Variants in ATE1 observed in about 807,000 individuals in gnomAD.
ATE1 encodes arginyl-tRNA--protein transferase 1.
In ATE1, 36 loss-of-function variants were observed where a neutral mutation model predicts 70.5. The observed-to-expected ratio is 0.51, with a 90% CI of 0.39 to 0.67. The LOEUF is 0.67. ATE1 is among the 30% of genes least tolerant of loss of function. The pLI is 0.00. For synonymous variants in ATE1, 232 were observed against 219.3 expected (o/e 1.06, Z -0.51); for missense variants, 593 against 629.5 (o/e 0.94, Z 0.62).
At chr10:121,927,445 G>T in intron 1 of ATE1, 1 of 984,910 alleles carries the variant, frequency 1.0e-6, no homozygotes, top group Non-Finnish European at 1.2e-6. Context: ...CACACCCACA[G>T]CTCCCTCTGC....
At chr10:121,793,161 G>A (rs1473545518) in intron 10 of ATE1, among the ~76,000 whole-genome samples, 1 of 152,144 alleles carries the variant, frequency 6.6e-6, no homozygotes, top group Non-Finnish European at 1.5e-5. Flanking sequence ...CATGTGAAGA[G>A]ATGTTCAACG....
At chr10:121,863,827 T>C (rs988198041) in intron 8 of ATE1, among the ~76,000 whole-genome samples, 1 of 152,100 alleles carries the variant, frequency 6.6e-6, no homozygotes, top group Non-Finnish European at 1.5e-5. Flanking sequence ...TTGCCCTGGC[T>C]GGTTTCAAAC....
At chr10:121,798,178 ATT>A (rs1946733125) in intron 10 of ATE1, among the ~76,000 whole-genome samples, 1 of 152,210 alleles carries the variant, frequency 6.6e-6, no homozygotes, top group African/African-American at 2.4e-5. Context: ...ACATGTTCTT[ATT>A]ATATAAGAAT....
At chr10:121,776,047 A>C (rs1243870927) in intron 11 of ATE1, among the ~76,000 whole-genome samples, 1 of 152,252 alleles carries the variant, frequency 6.6e-6, no homozygotes, top group African/African-American at 2.4e-5. Flanking sequence ...GATGCATCAC[A>C]ATAGTTGTAC....
rs145196933 is a variant in ATE1 at position 121,750,463 on chromosome 10, C to T, written c.1379-6605G>A. Among the ~76,000 whole-genome samples, 212 of 152,284 alleles carry T rather than the reference C, an allele frequency of 1.4e-3. 1 individual carries two copies. Among genetic ancestry groups the T allele is most frequent in the African/African-American group, 4.8e-3 (198 of 41,556 alleles). On this transcript the variant is annotated intron_variant, in intron 11 of 11. Transcript: ENST00000224652. ...TCTGAGATGAGCATTTGATCACTAGCGATACAAATATATTGTCAACTCCAT... is the reference window on the plus strand; with the variant it reads ...TCTGAGATGAGCATTTGATCACTAGTGATACAAATATATTGTCAACTCCAT...
intron 8 of ATE1, among the ~76,000 whole-genome samples, chr10:121,843,173 T>C (rs1252418221): frequency 6.6e-6 from 1 of 152,102 alleles, no homozygotes; most frequent in East Asian, 1.9e-4. Flanking sequence ...CTTTTCTATA[T>C]ACCAACAATG....
chr10:121,831,459 C>T (rs536630522), intron 10 of ATE1, among the ~76,000 whole-genome samples: 2 of 152,192 alleles, frequency 1.3e-5, no homozygotes, highest in Non-Finnish European at 2.9e-5. Context: ...ACGACGACTG[C>T]TCCCTCCTCT....
intron 8 of ATE1, among the ~76,000 whole-genome samples, chr10:121,860,438 C>A (rs371270466): frequency 2.0e-5 from 3 of 152,150 alleles, no homozygotes; most frequent in Admixed American, 2.0e-4. Flanking sequence ...ACTTACTAAA[C>A]CAAAGGATGA....
intron 10 of ATE1, among the ~76,000 whole-genome samples, chr10:121,801,623 CAT>C (rs964303492): frequency 1.3e-5 from 2 of 152,128 alleles, no homozygotes; most frequent in Non-Finnish European, 2.9e-5. Context: ...TATGAATATT[CAT>C]ATATGTGTCT....
At position 121,743,849 on chromosome 10, in the gene ATE1, T is replaced by A; in HGVS notation, c.1388A>T (p.Asp463Val). 6.2e-7 allele frequency: 1 copy of A among 1,602,014 alleles called. No individual in the cohort carries two copies. The highest frequency in any genetic ancestry group is 8.5e-7 in the Non-Finnish European group (1 of 1,174,998). ...CAATCGGTCAGGTTCCGTACTGCGATCCTCATCCACTGCAACGACAAAAAA... is the reference window on the plus strand; with the variant it reads ...CAATCGGTCAGGTTCCGTACTGCGAACCTCATCCACTGCAACGACAAAAAA... ...FNQDPEAVDE[D>V]RSTEPDRLQV... Residue 463 changes from aspartate (D) to valine (V), a missense_variant, in exon 12 of 12, where the codon GAT becomes GTT. Around this residue, in one of 3 missense-constraint regions of ATE1, gnomAD observed 90 missense variants for 93.7 expected, o/e 0.96. Coordinates refer to ENST00000224652, the MANE Select transcript of ATE1 (RefSeq NM_001001976.3).
At chr10:121,906,734 G>C (rs1951210747) in intron 5 of ATE1, among the ~76,000 whole-genome samples, 1 of 151,970 alleles carries the variant, frequency 6.6e-6, no homozygotes, top group Non-Finnish European at 1.5e-5. Context: ...GAGGAGCAGG[G>C]ATTTCCGACA....
Position 121,859,350 on chromosome 10 carries a change from G to A in ATE1, c.975+10656C>T, listed in dbSNP as rs1376776997. ...CGGCTCACTGCAAGCTCCGCCTCCC[G>A]GGTTCACGCCATTCTCCTGCCTCAG... On this transcript the variant is annotated intron_variant, in intron 8 of 11. Transcript: ENST00000224652. Among the ~76,000 whole-genome samples the A allele has an allele frequency of 7.8e-3, 1,170 of 149,680 alleles. 18 individuals are homozygous for A. Among genetic ancestry groups the A allele is most frequent in the African/African-American group, 0.028 (1,127 of 40,848 alleles).
chr10:121,795,325 A>C (rs1016297345), intron 10 of ATE1, among the ~76,000 whole-genome samples: 2 of 152,214 alleles, frequency 1.3e-5, no homozygotes, highest in Non-Finnish European at 2.9e-5. Context: ...ACTATGTAAC[A>C]GGCACTAAAG....
At chr10:121,752,586 TG>T (rs1564808506) in intron 11 of ATE1, among the ~76,000 whole-genome samples, 2 of 152,184 alleles carry the variant, frequency 1.3e-5, no homozygotes. Context: ...TTTTAATTTT[TG>T]TATATGGTGT....
chr10:121,906,028 T>C lies in ATE1; in HGVS notation c.584-3408A>G, dbSNP rs1951176681. ...CCTGATTAGTCCCAGGTGATTTAAA[T>C]AGAGTTTAGGAGACCTACATAATTT... On this transcript the variant is annotated intron_variant, in intron 5 of 11. Transcript: ENST00000224652. Among the ~76,000 whole-genome samples, 8 of 152,260 alleles carry C rather than the reference T, an allele frequency of 5.3e-5. No individual in the cohort carries two copies. In the South Asian group the frequency reaches 1.4e-3, roughly 28 times the overall value.
At chr10:121,883,790 G>A (rs1950295523) in intron 7 of ATE1, among the ~76,000 whole-genome samples, 1 of 151,920 alleles carries the variant, frequency 6.6e-6, no homozygotes, top group Non-Finnish European at 1.5e-5. Flanking sequence ...TTTACAAATG[G>A]CAACATCATG....
intron 6 of ATE1, among the ~76,000 whole-genome samples, chr10:121,901,381 G>A (rs1351763372): frequency 6.6e-6 from 1 of 152,164 alleles, no homozygotes; most frequent in East Asian, 1.9e-4. Context: ...ATTTTTAGAT[G>A]ATAGTAAGCT....
intron 10 of ATE1, among the ~76,000 whole-genome samples, chr10:121,826,725 C>G (rs760454758): frequency 1.1e-4 from 16 of 152,286 alleles, no homozygotes; most frequent in African/African-American, 3.6e-4. Flanking sequence ...CTAGGTAGTG[C>G]GCACAGCACC....
chr10:121,745,735 C>CAA (rs58642898), intron 11 of ATE1, among the ~76,000 whole-genome samples: 23 of 151,280 alleles, frequency 1.5e-4, no homozygotes, highest in African/African-American at 2.9e-4. Flanking sequence ...TCAAAACAAA[C>CAA]AAAAAAAAGA....
Sources: gnomAD v4.1 joint callset for allele counts (sites outside exome capture counted in the v4.1 genomes callset) on GRCh38, gnomAD v4.1.1 for gene constraint, gnomAD v4.1.1 regional missense constraint, MANE v1.5 for transcripts, NCBI Gene and HGNC (gene_info 2026-07-23, HGNC 2026-07-21) for gene names.